PRKG2: variants seen among roughly 807,000 people sequenced by gnomAD.
The protein encoded by PRKG2 is protein kinase cGMP-dependent 2, also known as cGMP-dependent protein kinase 2.
A neutral mutation model predicts 97.2 loss-of-function variants in PRKG2; 33 were observed. That is an observed-to-expected ratio of 0.34 (90% CI 0.26 to 0.45). The LOEUF (loss-of-function observed/expected upper bound fraction) is 0.45. PRKG2 is among the 20% of genes least tolerant of loss of function. The pLI, the probability that PRKG2 is intolerant of heterozygous loss-of-function variation, is 1.00. For missense variants in PRKG2, 638 were observed against 900.0 expected, an observed-to-expected ratio of 0.71 and a Z score of 3.73; for synonymous variants, 330 against 321.8, an observed-to-expected ratio of 1.03 and a Z score of -0.27.
intron 6 of PRKG2, among the ~76,000 whole-genome samples, chr4:81,156,397 G>A (rs192521209): frequency 6.6e-6 from 1 of 152,280 alleles, no homozygotes; most frequent in East Asian, 1.9e-4. Context: ...AAATATATAT[G>A]CACCCAATAC....
intron 2 of PRKG2, among the ~76,000 whole-genome samples, chr4:81,198,853 A>G (rs1753121428): frequency 6.6e-6 from 1 of 152,182 alleles, no homozygotes; most frequent in Non-Finnish European, 1.5e-5. Flanking sequence ...CTGAGTGTCT[A>G]CATGCACATT....
At chr4:81,130,972 C>A (rs1010307550) in intron 14 of PRKG2, among the ~76,000 whole-genome samples, 1 of 152,286 alleles carries the variant, frequency 6.6e-6, no homozygotes, top group Non-Finnish European at 1.5e-5. Flanking sequence ...TGGCTTCAGC[C>A]CCCTTTCCAG....
At chr4:81,152,225 T>C (rs1216594616) in intron 7 of PRKG2, among the ~76,000 whole-genome samples, 171 bp from the exon 8 acceptor site, 2 of 152,194 alleles carry the variant, frequency 1.3e-5, no homozygotes, top group Non-Finnish European at 2.9e-5. Context: ...TCAGCCCATT[T>C]TGATGGATGT....
At chr4:81,178,812 G>A (rs1751152189) in intron 2 of PRKG2, among the ~76,000 whole-genome samples, 1 of 152,020 alleles carries the variant, frequency 6.6e-6, no homozygotes. Flanking sequence ...AACAATATAT[G>A]AAGGAATCAT....
intron 2 of PRKG2, among the ~76,000 whole-genome samples, chr4:81,200,715 T>C (rs1420608698): frequency 6.6e-6 from 1 of 152,308 alleles, no homozygotes; most frequent in African/African-American, 2.4e-5. Context: ...GGGGGTAGCA[T>C]CAAACAATCT....
intron 12 of PRKG2, 124 bp downstream of exon 12, chr4:81,140,409 C>T: frequency 1.3e-6 from 1 of 786,594 alleles, no homozygotes; most frequent in Non-Finnish European, 1.8e-6. Context: ...TTCATGTACC[C>T]CATAAATATA....
At chr4:81,099,402 T>A (rs1742475487) in intron 17 of PRKG2, among the ~76,000 whole-genome samples, 1 of 152,064 alleles carries the variant, frequency 6.6e-6, no homozygotes. Context: ...GCAAGGCTGG[T>A]TCAATATACG....
rs985298911 is a variant in PRKG2, at chr4:81,100,351, G to A, written c.2126+4019C>T. Among the ~76,000 whole-genome samples the A allele has an allele frequency of 2.6e-5, 4 of 152,242 alleles. No individual in the cohort carries two copies. In the East Asian group the frequency reaches 7.7e-4, roughly 29 times the overall value. On this transcript the variant is annotated intron_variant, in intron 17 of 18. Transcript: ENST00000264399. ...ACAGTAACAAAAACAGCATGTTACT[G>A]GTACCAAAACAGAGATGCAGACCAA...
chr4:81,183,244 A>T (rs1369591897), intron 2 of PRKG2, among the ~76,000 whole-genome samples: 1 of 152,212 alleles, frequency 6.6e-6, no homozygotes, highest in Non-Finnish European at 1.5e-5. Flanking sequence ...GCTTCCAGCG[A>T]GATCAATGCA....
At chr4:81,192,429 AT>A (rs1752622671) in intron 2 of PRKG2, among the ~76,000 whole-genome samples, 1 of 152,172 alleles carries the variant, frequency 6.6e-6, no homozygotes, top group Non-Finnish European at 1.5e-5. Context: ...TCAATTAAAA[AT>A]TCATTTTAAA....
intron 2 of PRKG2, among the ~76,000 whole-genome samples, chr4:81,184,111 C>G (rs1053439651): frequency 1.3e-5 from 2 of 152,210 alleles, no homozygotes; most frequent in African/African-American, 4.8e-5. Context: ...CTGAAGAGAG[C>G]AGCGTATCTC....
chr4:81,092,926 C>T (rs1209149352), intron 17 of PRKG2, among the ~76,000 whole-genome samples: 3 of 152,126 alleles, frequency 2.0e-5, no homozygotes, highest in Admixed American at 1.3e-4. Flanking sequence ...TAGCAAGGAA[C>T]CAGCCGTACT....
At chr4:81,093,664 T>C (rs1741827903) in intron 17 of PRKG2, among the ~76,000 whole-genome samples, 1 of 152,204 alleles carries the variant, frequency 6.6e-6, no homozygotes, top group Non-Finnish European at 1.5e-5. Context: ...GCAGAAAAAG[T>C]ATTTTACAGT....
intron 17 of PRKG2, among the ~76,000 whole-genome samples, chr4:81,099,104 G>A (rs1283874548): frequency 3.3e-5 from 5 of 152,140 alleles, no homozygotes; most frequent in African/African-American, 1.2e-4. Context: ...TAGGTGTTGG[G>A]AGACATGACT....
intron 7 of PRKG2, 72 bp from the exon 8 acceptor site, chr4:81,152,126 A>G: frequency 1.7e-6 from 2 of 1,160,462 alleles, no homozygotes; most frequent in Non-Finnish European, 2.5e-6. Flanking sequence ...CATTCATTCA[A>G]CCAAACCCTC....
chr4:81,154,546 G>A (rs1304176474), intron 6 of PRKG2, among the ~76,000 whole-genome samples: 1 of 141,796 alleles, frequency 7.1e-6, no homozygotes. Context: ...CAACAGACCT[G>A]CAGCTGAGGG....
chr4:81,135,021 G>T, intron 14 of PRKG2, 134 bp downstream of exon 14: 1 of 781,844 alleles, frequency 1.3e-6, no homozygotes, highest in Non-Finnish European at 1.9e-6. Flanking sequence ...GTATTGTCGG[G>T]AAATGTCAAA....
At chr4:81,185,934 A>G (rs766741957) in intron 2 of PRKG2, among the ~76,000 whole-genome samples, 2 of 152,250 alleles carry the variant, frequency 1.3e-5, no homozygotes, top group Non-Finnish European at 2.9e-5. Flanking sequence ...TATCCTAAAT[A>G]CATATGCACC....
intron 8 of PRKG2, among the ~76,000 whole-genome samples, chr4:81,150,441 C>T (rs561912314): frequency 9.9e-5 from 15 of 152,226 alleles, no homozygotes; most frequent in African/African-American, 1.4e-4. Flanking sequence ...TACTGAATCA[C>T]GGTCAGTGGC....
Sources: allele counts gnomAD v4.1 joint callset (sites outside exome capture counted in the v4.1 genomes callset), GRCh38; gene constraint gnomAD v4.1.1; transcripts MANE v1.5; gene names NCBI Gene and HGNC (gene_info 2026-07-23, HGNC 2026-07-21).